MCU: variants seen among roughly 807,000 people sequenced by gnomAD.
The protein encoded by MCU is calcium uniporter protein, mitochondrial.
A neutral mutation model predicts 45.2 loss-of-function variants in MCU; 12 were observed. The ratio of observed to expected loss-of-function variants is 0.27; its 90% CI spans 0.17 to 0.43. MCU has a LOEUF of 0.43. Among genes scored for constraint, MCU ranks in the 20% least tolerant of loss-of-function variants. The pLI, the probability that MCU is intolerant of heterozygous loss-of-function variation, is 1.00. For synonymous variants in MCU, 160 were observed against 165.1 expected (o/e 0.97, Z 0.24); for missense variants, 324 against 436.7 (o/e 0.74, Z 2.30).
At chr10:72,803,695 C>T (rs1844375715) in intron 1 of MCU, among the ~76,000 whole-genome samples, 2 of 151,792 alleles carry the variant, frequency 1.3e-5, no homozygotes, top group African/African-American at 4.8e-5. Flanking sequence ...CAACACATAG[C>T]CTATCTTATT....
At chr10:72,781,757 T>C (rs7071796) in intron 1 of MCU, among the ~76,000 whole-genome samples, 86,488 of 150,556 alleles carry the variant, frequency 0.57, 25,926 homozygotes, top group Non-Finnish European at 0.67. Flanking sequence ...ACTTTTATGT[T>C]ATTTCTTTTT....
At chr10:72,730,307 CTTT>C (rs1221272053) in intron 1 of MCU, among the ~76,000 whole-genome samples, 4 of 124,222 alleles carry the variant, frequency 3.2e-5, no homozygotes, top group Admixed American at 8.3e-5. Context: ...CTTTCTTTTT[CTTT>C]TTTTTTTTTT....
At chr10:72,834,570 A>C in intron 2 of MCU, 142 bp downstream of exon 2, 1 of 578,534 alleles carries the variant, frequency 1.7e-6, no homozygotes, top group East Asian at 2.9e-5. Context: ...AAGGAGGAGA[A>C]GGAAAATAAA....
intron 1 of MCU, among the ~76,000 whole-genome samples, chr10:72,757,866 G>T (rs549253640): frequency 6.6e-6 from 1 of 152,218 alleles, no homozygotes; most frequent in African/African-American, 2.4e-5. Context: ...GTATATTCAC[G>T]TGTGCAGTGC....
At chr10:72,755,697 A>G (rs752662703) in intron 1 of MCU, among the ~76,000 whole-genome samples, 8 of 152,234 alleles carry the variant, frequency 5.3e-5, no homozygotes, top group African/African-American at 9.6e-5. Context: ...AGCAATTTGA[A>G]CGGCGGAAGC....
At chr10:72,772,045 G>T (rs958638833) in intron 1 of MCU, among the ~76,000 whole-genome samples, 1 of 152,220 alleles carries the variant, frequency 6.6e-6, no homozygotes. Flanking sequence ...CCTGTCGGGA[G>T]ACTTGTCCTT....
At chr10:72,774,873 C>A (rs1843866947) in intron 1 of MCU, among the ~76,000 whole-genome samples, 1 of 151,966 alleles carries the variant, frequency 6.6e-6, no homozygotes, top group African/African-American at 2.4e-5. Flanking sequence ...TGTCTATGTA[C>A]CCAATACTGG....
chr10:72,745,399 T>G (rs1843400578), intron 1 of MCU, among the ~76,000 whole-genome samples: 1 of 152,150 alleles, frequency 6.6e-6, no homozygotes. Flanking sequence ...GGCTGGTTTT[T>G]TCTATTTTTA....
chr10:72,846,504 G>T (rs1288765731), intron 2 of MCU, among the ~76,000 whole-genome samples: 3 of 152,072 alleles, frequency 2.0e-5, no homozygotes, highest in African/African-American at 7.3e-5. Flanking sequence ...TTCAGTTACC[G>T]GATTGACTGT....
chr10:72,755,863 CAG>C (rs1391115399), intron 1 of MCU, among the ~76,000 whole-genome samples: 4 of 148,256 alleles, frequency 2.7e-5, no homozygotes, highest in Admixed American at 1.4e-4. Context: ...TTCATTGAGA[CAG>C]AGTCTCTCTC....
chr10:72,766,791 A>G (rs1226827669), intron 1 of MCU: 1 of 152,178 alleles, frequency 6.6e-6, no homozygotes, highest in Non-Finnish European at 1.5e-5. Flanking sequence ...ATGAACTTTT[A>G]TTTATTAAAC....
chr10:72,880,348 A>G (rs918035735), intron 6 of MCU, among the ~76,000 whole-genome samples: 3 of 152,250 alleles, frequency 2.0e-5, no homozygotes, highest in Non-Finnish European at 4.4e-5. Flanking sequence ...GTTATTGGAT[A>G]CAAGATCAAT....
chr10:72,794,623 T>C (rs139351890), intron 1 of MCU, among the ~76,000 whole-genome samples: 1 of 152,368 alleles, frequency 6.6e-6, no homozygotes, highest in African/African-American at 2.4e-5. Context: ...ATAATTTCTT[T>C]TAAATCTCTG....
intron 2 of MCU, among the ~76,000 whole-genome samples, chr10:72,858,763 G>A (rs1036169009): frequency 1.3e-5 from 2 of 152,094 alleles, no homozygotes; most frequent in Non-Finnish European, 2.9e-5. Context: ...TCACTTATTA[G>A]TGTACTTCTT....
chr10:72,786,610 G>A (rs1844074739), intron 1 of MCU, among the ~76,000 whole-genome samples: 1 of 152,102 alleles, frequency 6.6e-6, no homozygotes, highest in Non-Finnish European at 1.5e-5. Flanking sequence ...GCAGGGCGTG[G>A]TGGCAGGCGC....
Position 72,885,884 on chromosome 10 carries a change from T to C in MCU, c.*62T>C. On this transcript the variant is annotated 3_prime_UTR_variant, in exon 8 of 8. Transcript: ENST00000373053. ...CCTGTTTGCCTTTTTAATTAAAGCA[T>C]TGCAGGTGGAAGCTGGGAGCCATGT... 7.2e-7 allele frequency: 1 copy of C among 1,381,240 alleles called. No individual in the cohort carries two copies. Among genetic ancestry groups the C allele is most frequent in the Admixed American group, 1.7e-5 (1 of 58,042 alleles). The allele number at this position is 1,381,240 out of a possible 1,614,324, so 85.6% of individuals were successfully genotyped here. A position where few individuals can be genotyped will look rare whatever the true frequency, so the allele number is the denominator to read the frequency against.
intron 1 of MCU, among the ~76,000 whole-genome samples, chr10:72,765,009 T>C (rs573945887): frequency 3.3e-5 from 5 of 151,506 alleles, no homozygotes; most frequent in African/African-American, 1.2e-4. Flanking sequence ...CTCAGCACTT[T>C]GGGAGGCCGA....
intron 2 of MCU, among the ~76,000 whole-genome samples, chr10:72,838,456 C>G (rs895858651): frequency 2.6e-5 from 4 of 151,844 alleles, no homozygotes; most frequent in Non-Finnish European, 5.9e-5. Context: ...CTAAAAAATA[C>G]AAAAATTAGC....
chr10:72,873,106 C>T (rs1221722072), intron 6 of MCU, among the ~76,000 whole-genome samples: 1 of 149,722 alleles, frequency 6.7e-6, no homozygotes, highest in Non-Finnish European at 1.5e-5. Context: ...GCAAGCTCCG[C>T]CTCCTGGATT....
Sources: allele counts gnomAD v4.1 joint callset (sites outside exome capture counted in the v4.1 genomes callset), GRCh38; gene constraint gnomAD v4.1.1; transcripts MANE v1.5; gene names NCBI Gene and HGNC (gene_info 2026-07-23, HGNC 2026-07-21).